NCKAP5: variants seen among roughly 807,000 people sequenced by gnomAD.
The protein encoded by NCKAP5 is nck-associated protein 5.
NCKAP5 carries 92 observed loss-of-function variants against 167.0 expected under a neutral mutation model. The observed-to-expected ratio is 0.55, with a 90% CI of 0.47 to 0.66. NCKAP5 has a LOEUF of 0.66. Among genes scored for constraint, NCKAP5 ranks in the 30% least tolerant of loss-of-function variants. The pLI is 0.00. For synonymous variants in NCKAP5, 891 were observed against 877.4 expected, an observed-to-expected ratio of 1.02 and a Z score of -0.27; for missense variants, 2,378 against 2,315.0, an observed-to-expected ratio of 1.03 and a Z score of -0.56.
chr2:133,668,609 G>A, the NCKAP5 span, among the ~76,000 whole-genome samples: 1 of 151,454 alleles, frequency 6.6e-6, no homozygotes, highest in Non-Finnish European at 1.5e-5. Context: ...TATTTGAACT[G>A]TTTGCTTGTT....
intron 3 of NCKAP5, among the ~76,000 whole-genome samples, chr2:133,448,581 T>C (rs1260953331): frequency 6.6e-6 from 1 of 152,192 alleles, no homozygotes; most frequent in Non-Finnish European, 1.5e-5. Flanking sequence ...TTGAGCAGTA[T>C]TTTTTTCTTA....
At chr2:132,921,194 G>A (rs546829977) in intron 8 of NCKAP5, among the ~76,000 whole-genome samples, 46 of 152,094 alleles carry the variant, frequency 3.0e-4, no homozygotes, top group African/African-American at 1.1e-3. Flanking sequence ...GGAACCTCAT[G>A]TACCAAACTG....
At chr2:132,880,137 G>A (rs1691634274) in intron 8 of NCKAP5, among the ~76,000 whole-genome samples, 2 of 152,200 alleles carry the variant, frequency 1.3e-5, no homozygotes, top group African/African-American at 2.4e-5. Context: ...AGATACTAGA[G>A]GCTGGGATTT....
intron 3 of NCKAP5, among the ~76,000 whole-genome samples, chr2:133,431,102 T>A (rs908399735): frequency 1.3e-5 from 2 of 152,140 alleles, no homozygotes; most frequent in Non-Finnish European, 2.9e-5. Context: ...TCTAGGGTCA[T>A]TTTTCCAAAG....
In NCKAP5 at chr2:132,796,678, C is replaced by T. The variant is rs1481818852; in HGVS notation, c.859G>A (p.Val287Met). ...DLSSGDLLSE[V>M]ERNRSLTQSR... ...TGTGTCAGACTTCGGTTTCTTTCCA[C>T]CTCTGAAAGCAAATCTCCAGATGAA... Residue 287 changes from valine to methionine, a missense_variant, in exon 12 of 20, where the codon GTG (valine) becomes ATG (methionine). By Grantham distance (21) the Val-to-Met change is conservative. This residue lies in a region of NCKAP5 where 1,049 missense variants were observed against 1,023.4 expected (regional missense o/e 1.02). Coordinates refer to ENST00000409261, the MANE Select transcript of NCKAP5 (RefSeq NM_207363.3). 1.2e-6 allele frequency: 2 copies of T among 1,613,448 alleles called. No individual in the cohort carries two copies. Among genetic ancestry groups the T allele is most frequent in the South Asian group, 1.1e-5 (1 of 90,926 alleles).
intron 6 of NCKAP5, among the ~76,000 whole-genome samples, chr2:133,067,685 G>A (rs2080245154): frequency 6.6e-6 from 1 of 152,170 alleles, no homozygotes; most frequent in Admixed American, 6.5e-5. Flanking sequence ...AGCATAGCAT[G>A]ATCAGGGTTA....
chr2:133,516,462 G>A (rs1684007881), intron 3 of NCKAP5, among the ~76,000 whole-genome samples: 1 of 152,170 alleles, frequency 6.6e-6, no homozygotes, highest in African/African-American at 2.4e-5. Flanking sequence ...ACTAAGGAGA[G>A]AAGAACTTGA....
intron 6 of NCKAP5, among the ~76,000 whole-genome samples, chr2:133,075,012 A>C (rs1234864184): frequency 6.6e-6 from 1 of 152,206 alleles, no homozygotes; most frequent in Non-Finnish European, 1.5e-5. Context: ...ATCAAGCAGT[A>C]AAATAAAAAA....
At position 132,878,678 on chromosome 2, in the gene NCKAP5, C is replaced by T. The variant is rs183870113; in HGVS notation, c.648+170G>A. On this transcript the variant is annotated intron_variant, in intron 9 of 19. Coordinates refer to ENST00000409261, the MANE Select transcript of NCKAP5 (RefSeq NM_207363.3). ...CACGCACGCATACACACACACACAC[C>T]GCCCACACACACACACTTCCTTTTC... Among the ~76,000 whole-genome samples, 939 of 151,062 alleles carry T rather than the reference C, an allele frequency of 6.2e-3. 10 individuals are homozygous for T. The highest frequency in any genetic ancestry group is 0.021 in the African/African-American group (879 of 41,186).
chr2:132,821,064 T>C (rs1686693755), intron 11 of NCKAP5, among the ~76,000 whole-genome samples: 1 of 152,140 alleles, frequency 6.6e-6, no homozygotes, highest in African/African-American at 2.4e-5. Context: ...AATGGATGGA[T>C]ATAACAGTGT....
intron 15 of NCKAP5, among the ~76,000 whole-genome samples, chr2:132,776,979 T>C (rs572756560): frequency 9.9e-5 from 15 of 152,086 alleles, no homozygotes; most frequent in African/African-American, 3.6e-4. Flanking sequence ...CTGCCAAACG[T>C]TTGGTTCAGA....
chr2:132,946,175 C>T (rs1697708501), intron 8 of NCKAP5, among the ~76,000 whole-genome samples: 1 of 152,138 alleles, frequency 6.6e-6, no homozygotes, highest in African/African-American at 2.4e-5. Flanking sequence ...CATGTGATCC[C>T]CCCTCAGGTT....
intron 4 of NCKAP5, among the ~76,000 whole-genome samples, chr2:133,292,752 A>G (rs1351674298): frequency 6.6e-6 from 1 of 152,182 alleles, no homozygotes; most frequent in Non-Finnish European, 1.5e-5. Flanking sequence ...CTTGTACAGT[A>G]TTATTCAAAT....
chr2:133,384,623 T>C (rs1284404736), intron 3 of NCKAP5, among the ~76,000 whole-genome samples: 2 of 152,224 alleles, frequency 1.3e-5, no homozygotes, highest in African/African-American at 2.4e-5. Flanking sequence ...GGGGATGGCA[T>C]TGAATCTATA....
intron 6 of NCKAP5, among the ~76,000 whole-genome samples, chr2:133,033,584 T>C (rs999643498): frequency 6.6e-6 from 1 of 152,110 alleles, no homozygotes; most frequent in Non-Finnish European, 1.5e-5. Context: ...TCAAAATAGC[T>C]GCGTTGAGGA....
chr2:133,621,862 G>A, the NCKAP5 span, among the ~76,000 whole-genome samples: 1 of 152,028 alleles, frequency 6.6e-6, no homozygotes, highest in Non-Finnish European at 1.5e-5. Flanking sequence ...TATCCCTGAT[G>A]AACATAGAGG....
At chr2:133,338,933 T>C (rs1267234993) in intron 3 of NCKAP5, among the ~76,000 whole-genome samples, 1 of 152,096 alleles carries the variant, frequency 6.6e-6, no homozygotes, top group Non-Finnish European at 1.5e-5. Context: ...GGCAGGAGAA[T>C]TGCTTGAACC....
intron 1 of NCKAP5, among the ~76,000 whole-genome samples, chr2:133,561,194 G>GT (rs1349059069): frequency 1.3e-5 from 2 of 152,198 alleles, no homozygotes; most frequent in Admixed American, 1.3e-4. Context: ...CAGGGTGGCT[G>GT]TAACTGTTGG....
At chr2:133,478,665 C>A (rs191301628) in intron 3 of NCKAP5, among the ~76,000 whole-genome samples, 2 of 152,140 alleles carry the variant, frequency 1.3e-5, no homozygotes. Flanking sequence ...AGATTTATGA[C>A]GAAACATACA....
Sources: gnomAD v4.1 joint callset for allele counts (sites outside exome capture counted in the v4.1 genomes callset) on GRCh38, gnomAD v4.1.1 for gene constraint, gnomAD v4.1.1 regional missense constraint, MANE v1.5 for transcripts, NCBI Gene and HGNC (gene_info 2026-07-23, HGNC 2026-07-21) for gene names.